CPEB3: variants seen among roughly 807,000 people sequenced by gnomAD.
The protein encoded by CPEB3 is cytoplasmic polyadenylation element binding protein 3.
A neutral mutation model predicts 67.2 loss-of-function variants in CPEB3; 20 were observed. The ratio of observed to expected loss-of-function variants is 0.30; its 90% confidence interval spans 0.21 to 0.43. CPEB3 has a LOEUF of 0.43. Ranked by LOEUF, CPEB3 falls within the 20% of genes least tolerant of loss-of-function variation. The pLI, the probability that CPEB3 is intolerant of heterozygous loss-of-function variation, is 1.00. For synonymous variants in CPEB3, 376 were observed against 393.1 expected (o/e 0.96, Z 0.51); for missense variants, 746 against 968.6 (o/e 0.77, Z 3.05).
At chr10:92,288,047 T>C (rs1450421606) in intron 1 of CPEB3, among the ~76,000 whole-genome samples, 1 of 152,246 alleles carries the variant, frequency 6.6e-6, no homozygotes, top group Non-Finnish European at 1.5e-5. Flanking sequence ...TGTTATAGCA[T>C]GTATCATAAC....
intron 3 of CPEB3, among the ~76,000 whole-genome samples, chr10:92,185,790 A>G (rs1171694477): frequency 3.9e-5 from 6 of 152,236 alleles, no homozygotes; most frequent in Admixed American, 3.9e-4. Flanking sequence ...TTCTCTATAA[A>G]GTTAGAGAGA....
intron 7 of CPEB3, among the ~76,000 whole-genome samples, chr10:92,104,098 T>C (rs1844319879): frequency 6.6e-6 from 1 of 152,232 alleles, no homozygotes; most frequent in Non-Finnish European, 1.5e-5. Context: ...ATTGTAAGAC[T>C]TCTCAGAACC....
At chr10:92,203,183 T>C (rs1849598722) in intron 2 of CPEB3, among the ~76,000 whole-genome samples, 1 of 151,344 alleles carries the variant, frequency 6.6e-6, no homozygotes, top group Non-Finnish European at 1.5e-5. Context: ...CCTCATGATC[T>C]ACCCACTTCG....
intron 1 of CPEB3, among the ~76,000 whole-genome samples, chr10:92,278,689 C>T (rs183250457): frequency 4.0e-5 from 6 of 151,682 alleles, no homozygotes; most frequent in African/African-American, 7.3e-5. Context: ...TAACCTCCAC[C>T]TCCCGGGTTC....
chr10:92,088,075 AG>A (rs1843448389), intron 8 of CPEB3, among the ~76,000 whole-genome samples: 1 of 152,202 alleles, frequency 6.6e-6, no homozygotes, highest in South Asian at 2.1e-4. Context: ...GAATGATGAA[AG>A]GAAGAGACAG....
At position 92,255,234 on chromosome 10, in the gene CPEB3, T is replaced by C. The variant is rs192733212; in HGVS notation, c.-11-14873A>G. 4.6e-5 allele frequency among the ~76,000 whole-genome samples: 7 copies of C among 152,292 alleles called. No individual in the cohort carries two copies. The East Asian group carries it at 1.2e-3, about 25-fold the overall frequency. ...TCTAGTTTCCTTGAGACCTAGCTCA[T>C]TAATTTAATTATTCTCAGCTCTCTC... On this transcript the variant is annotated intron_variant, in intron 1 of 9. Coordinates refer to ENST00000265997, the MANE Select transcript of CPEB3 (RefSeq NM_014912.5).
chr10:92,230,872 G>C (rs1851234218), intron 2 of CPEB3, among the ~76,000 whole-genome samples: 1 of 152,112 alleles, frequency 6.6e-6, no homozygotes, highest in African/African-American at 2.4e-5. Flanking sequence ...ATCAAAACTT[G>C]AGGCTCCATC....
chr10:92,244,449 T>TC (rs1339389669), intron 1 of CPEB3, among the ~76,000 whole-genome samples: 3 of 151,898 alleles, frequency 2.0e-5, no homozygotes, highest in Non-Finnish European at 4.4e-5. Context: ...CAGTTTTCTT[T>TC]TTTTTTGAGA....
chr10:92,215,450 C>T (rs946814175), intron 2 of CPEB3, among the ~76,000 whole-genome samples: 6 of 138,520 alleles, frequency 4.3e-5, no homozygotes, highest in African/African-American at 8.0e-5. Context: ...CTGCACCTGG[C>T]TTTTTTTTTT....
chr10:92,165,924 G>A (rs1299283397), intron 4 of CPEB3, among the ~76,000 whole-genome samples: 1 of 152,118 alleles, frequency 6.6e-6, no homozygotes, highest in Non-Finnish European at 1.5e-5. Flanking sequence ...AGTTGTCCAT[G>A]AGGAATGGAA....
chr10:92,248,902 G>C (rs1296871390), intron 1 of CPEB3, among the ~76,000 whole-genome samples: 1 of 152,098 alleles, frequency 6.6e-6, no homozygotes, highest in East Asian at 1.9e-4. Flanking sequence ...GTCATGCATA[G>C]CATTAACAAT....
chr10:92,180,042 AT>A (rs1230719281), intron 4 of CPEB3, among the ~76,000 whole-genome samples: 1 of 152,210 alleles, frequency 6.6e-6, no homozygotes, highest in Non-Finnish European at 1.5e-5. Flanking sequence ...AGTCTAAAAG[AT>A]TCAATGGCTT....
At chr10:92,052,493 T>C (rs1841933609) in intron 9 of CPEB3, 54 bp from the exon 10 acceptor site, 1 of 1,510,144 alleles carries the variant, frequency 6.6e-7, no homozygotes, top group East Asian at 2.3e-5. Flanking sequence ...CTTCCTTACA[T>C]GTCTTGCTTT....
At chr10:92,083,947 G>A (rs145945102) in intron 8 of CPEB3, among the ~76,000 whole-genome samples, 2,168 of 152,178 alleles carry the variant, frequency 0.014, 50 homozygotes, top group African/African-American at 0.048. Flanking sequence ...ACTTTGGGAG[G>A]CCAAGGTGGG....
chr10:92,254,977 G>A, intron 1 of CPEB3, among the ~76,000 whole-genome samples: 1 of 151,706 alleles, frequency 6.6e-6, no homozygotes. Context: ...CAAAGTGTTG[G>A]GATTACAGGC....
intron 9 of CPEB3, among the ~76,000 whole-genome samples, chr10:92,071,368 T>C (rs1294895777): frequency 1.3e-5 from 2 of 152,174 alleles, no homozygotes; most frequent in African/African-American, 4.8e-5. Flanking sequence ...TAAACAAATT[T>C]TTCATATCTA....
At chr10:92,060,132 G>C (rs1842283866) in intron 9 of CPEB3, among the ~76,000 whole-genome samples, 1 of 151,534 alleles carries the variant, frequency 6.6e-6, no homozygotes, top group Non-Finnish European at 1.5e-5. Flanking sequence ...CGAGGTGGGT[G>C]AATCACTTGA....
chr10:92,291,169 C>T, upstream of CPEB3: 1 of 461,438 alleles, frequency 2.2e-6, no homozygotes, highest in South Asian at 2.5e-5. Context: ...CGACTCTTAC[C>T]TCACAAAGGT....
At chr10:92,269,304 T>C (rs970475044) in intron 1 of CPEB3, among the ~76,000 whole-genome samples, 3 of 152,068 alleles carry the variant, frequency 2.0e-5, no homozygotes, top group Admixed American at 6.6e-5. Flanking sequence ...CATGGGCAAA[T>C]AGTATTTTTA....
Sources: gnomAD v4.1 joint callset for allele counts (sites outside exome capture counted in the v4.1 genomes callset) on GRCh38, gnomAD v4.1.1 for gene constraint, MANE v1.5 for transcripts, NCBI Gene and HGNC (gene_info 2026-07-23, HGNC 2026-07-21) for gene names.